The following TNPO3 variants were observed in gnomAD, a reference collection of about 807,000 sequenced individuals.
TNPO3 encodes the protein transportin 3.
A neutral mutation model predicts 122.8 loss-of-function variants in TNPO3; 65 were observed. The ratio of observed to expected loss-of-function variants is 0.53; its 90% confidence interval spans 0.43 to 0.65. The LOEUF is 0.65. TNPO3 is among the 30% of genes least tolerant of loss of function. TNPO3 has a pLI of 0.00. For synonymous variants in TNPO3, 372 were observed against 411.2 expected (o/e 0.90, Z 1.15); for missense variants, 850 against 1,136.7 (o/e 0.75, Z 3.63).
At chr7:129,027,805 A>C (rs1304307737) in intron 1 of TNPO3, among the ~76,000 whole-genome samples, 2 of 152,220 alleles carry the variant, frequency 1.3e-5, no homozygotes, top group East Asian at 3.9e-4. Flanking sequence ...GCCTCTCAAG[A>C]CTGGGGAAAT....
intron 1 of TNPO3, 83 bp from the exon 2 acceptor site, chr7:129,018,240 T>C (rs1265764330): frequency 7.3e-7 from 1 of 1,362,640 alleles, no homozygotes; most frequent in East Asian, 2.4e-5. Context: ...TATATAAACA[T>C]ATTTAGCCCA....
chr7:129,020,308 A>G (rs1804331973), intron 1 of TNPO3, among the ~76,000 whole-genome samples: 1 of 152,228 alleles, frequency 6.6e-6, no homozygotes, highest in African/African-American at 2.4e-5. Flanking sequence ...TTAATGTAGT[A>G]CTAATAGCAC....
intron 21 of TNPO3, among the ~76,000 whole-genome samples, chr7:128,962,724 A>C (rs1177215524): frequency 6.6e-6 from 1 of 152,206 alleles, no homozygotes; most frequent in South Asian, 2.1e-4. Flanking sequence ...CTATAGGAAG[A>C]GCTGCAAAAC....
chr7:129,035,198 C>T (rs1295333793), intron 1 of TNPO3, among the ~76,000 whole-genome samples: 4 of 152,084 alleles, frequency 2.6e-5, no homozygotes, highest in Admixed American at 2.0e-4. Flanking sequence ...GGCGTGAACC[C>T]GGGAGGTGGA....
At chr7:129,015,819 T>G (rs1203961618) in intron 3 of TNPO3, among the ~76,000 whole-genome samples, 2 of 147,644 alleles carry the variant, frequency 1.4e-5, no homozygotes, top group African/African-American at 5.0e-5. Context: ...GGTGACAGAG[T>G]GAGACCCTGT....
intron 18 of TNPO3, among the ~76,000 whole-genome samples, 172 bp downstream of exon 18, chr7:128,974,695 CT>C (rs956756990): frequency 3.1e-4 from 47 of 152,322 alleles, no homozygotes; most frequent in African/African-American, 9.1e-4. Context: ...CCGCAATACT[CT>C]GCGTCACTGC....
chr7:129,029,622 C>T (rs1346151231), intron 1 of TNPO3: 1 of 152,132 alleles, frequency 6.6e-6, no homozygotes, highest in East Asian at 1.9e-4. Flanking sequence ...TGTAATCAAC[C>T]CAGCATCAGA....
At chr7:129,016,792 T>C (rs1471622991) in intron 3 of TNPO3, among the ~76,000 whole-genome samples, 191 bp downstream of exon 3, 1 of 152,242 alleles carries the variant, frequency 6.6e-6, no homozygotes, top group Non-Finnish European at 1.5e-5. Flanking sequence ...GTCTTTTACA[T>C]CCCACACAAT....
chr7:128,990,522 A>C (rs1800638411), intron 10 of TNPO3, among the ~76,000 whole-genome samples: 1 of 152,248 alleles, frequency 6.6e-6, no homozygotes, highest in Non-Finnish European at 1.5e-5. Flanking sequence ...GGCTAAACAG[A>C]TGAATGAATA....
intron 1 of TNPO3, among the ~76,000 whole-genome samples, chr7:129,023,934 T>C (rs1804812921): frequency 2.0e-5 from 3 of 152,164 alleles, no homozygotes. Flanking sequence ...AATTAATGGA[T>C]TAAGCACTGA....
chr7:129,020,137 GC>G (rs1392707797), intron 1 of TNPO3, among the ~76,000 whole-genome samples: 2 of 144,464 alleles, frequency 1.4e-5, no homozygotes, highest in Admixed American at 6.9e-5. Context: ...CACCCCTCCC[GC>G]CCCCCACCAA....
At chr7:128,979,253 T>G in intron 15 of TNPO3, 130 bp from the exon 16 acceptor site, 2 of 1,082,102 alleles carry the variant, frequency 1.8e-6, no homozygotes, top group Non-Finnish European at 1.3e-6. Context: ...GGAACACACA[T>G]GGCCAGCATG....
intron 1 of TNPO3, among the ~76,000 whole-genome samples, chr7:129,048,878 C>T (rs1445462829): frequency 6.6e-6 from 1 of 152,108 alleles, no homozygotes; most frequent in African/African-American, 2.4e-5. Flanking sequence ...TCTTAATAAC[C>T]ATGGTTTATT....
chr7:129,032,510 T>C (rs765412073), intron 1 of TNPO3, among the ~76,000 whole-genome samples: 1 of 152,154 alleles, frequency 6.6e-6, no homozygotes, highest in Non-Finnish European at 1.5e-5. Context: ...ATAAATGAAT[T>C]TGGCAAAGTT....
In TNPO3 at chr7:128,997,502, G is replaced by T. The variant is rs776262489; in HGVS notation, c.1045C>A (p.Leu349Met). ...TTAGTTTTGTACAAATGTTCCCCCA[G>T]TCGGTACCAAAAGTTAAATGAAATT... ...VEISFNFWYRLGEHLYKTNDE... is the reference protein window; with the variant it reads ...VEISFNFWYRMGEHLYKTNDE... The change falls in exon 8 of 23, where the codon CTG (leucine) becomes ATG (methionine). Residue 349 changes from leucine to methionine, a missense_variant. Leu to Met is a conservative substitution (Grantham distance 15). Transcript: ENST00000265388. 1 of 1,613,782 alleles carries T rather than the reference G, an allele frequency of 6.2e-7. No individual in the cohort carries two copies.
chr7:129,016,892 T>TA (rs1803914387), intron 3 of TNPO3, 91 bp downstream of exon 3: 11 of 1,059,154 alleles, frequency 1.0e-5, no homozygotes, highest in Non-Finnish European at 1.6e-5. Context: ...TTCAGGGAAA[T>TA]AGTCAAATAT....
intron 1 of TNPO3, among the ~76,000 whole-genome samples, chr7:129,020,021 A>T (rs1454589605): frequency 1.3e-5 from 2 of 151,988 alleles, no homozygotes; most frequent in Admixed American, 1.3e-4. Flanking sequence ...ATAAAAAATT[A>T]GCTGGGCATG....
At chr7:129,030,603 T>A (rs1805817044) in intron 1 of TNPO3, 1 of 152,148 alleles carries the variant, frequency 6.6e-6, no homozygotes, top group Non-Finnish European at 1.5e-5. Context: ...TGGGTTCGCA[T>A]GGACATGGCA....
At chr7:128,992,788 A>G (rs1800880822) in intron 9 of TNPO3, among the ~76,000 whole-genome samples, 1 of 90,116 alleles carries the variant, frequency 1.1e-5, no homozygotes, top group Non-Finnish European at 2.6e-5. Context: ...TCCTAATTTT[A>G]ATTAATAACT....
Sources: gnomAD v4.1 joint callset for allele counts (sites outside exome capture counted in the v4.1 genomes callset) on GRCh38, gnomAD v4.1.1 for gene constraint, MANE v1.5 for transcripts, NCBI Gene and HGNC (gene_info 2026-07-23, HGNC 2026-07-21) for gene names.